Variants in NR3C2 observed in about 807,000 individuals in gnomAD.
NR3C2 encodes the protein nuclear receptor subfamily 3 group C member 2, also known as mineralocorticoid receptor.
A neutral mutation model predicts 86.4 loss-of-function variants in NR3C2; 15 were observed. That is an observed-to-expected ratio of 0.17 (90% CI 0.12 to 0.27). NR3C2 has a LOEUF of 0.27. Ranked by LOEUF, NR3C2 falls within the 10% of genes least tolerant of loss-of-function variation. NR3C2 has a pLI of 1.00. For synonymous variants in NR3C2, 458 were observed against 450.5 expected (o/e 1.02, Z -0.21); for missense variants, 960 against 1,195.6 (o/e 0.80, Z 2.91).
chr4:148,106,027 G>A (rs1225312941), intron 8 of NR3C2, among the ~76,000 whole-genome samples: 1 of 152,166 alleles, frequency 6.6e-6, no homozygotes, highest in Non-Finnish European at 1.5e-5. Context: ...GTTCTGGCAA[G>A]AGAAAGATAT....
chr4:148,234,292 A>C (rs1024533697), intron 3 of NR3C2, among the ~76,000 whole-genome samples: 1 of 152,136 alleles, frequency 6.6e-6, no homozygotes, highest in Non-Finnish European at 1.5e-5. Context: ...TGCCATCAAA[A>C]TTTATCAGTG....
At chr4:148,167,324 A>G (rs919978952) in intron 4 of NR3C2, among the ~76,000 whole-genome samples, 2 of 152,222 alleles carry the variant, frequency 1.3e-5, no homozygotes, top group Non-Finnish European at 2.9e-5. Context: ...ATGTGGTTCT[A>G]AGTCATGTAC....
chr4:148,210,729 C>A (rs527362461), intron 3 of NR3C2, among the ~76,000 whole-genome samples: 6 of 152,134 alleles, frequency 3.9e-5, no homozygotes, highest in Non-Finnish European at 8.8e-5. Flanking sequence ...AAGTGCAAAG[C>A]AATCATAATA....
At chr4:148,219,957 CTG>C (rs927340148) in intron 3 of NR3C2, among the ~76,000 whole-genome samples, 45 of 152,182 alleles carry the variant, frequency 3.0e-4, no homozygotes, top group Non-Finnish European at 5.7e-4. Flanking sequence ...GAGTCTCACT[CTG>C]TCACCCAAAC....
intron 2 of NR3C2, among the ~76,000 whole-genome samples, chr4:148,317,643 T>C (rs966581139): frequency 4.6e-5 from 7 of 152,126 alleles, no homozygotes; most frequent in Non-Finnish European, 1.0e-4. Flanking sequence ...TCAAAGAAGA[T>C]GATGTTCAGT....
At chr4:148,264,835 A>C (rs1024181467) in intron 2 of NR3C2, among the ~76,000 whole-genome samples, 1 of 152,240 alleles carries the variant, frequency 6.6e-6, no homozygotes, top group Non-Finnish European at 1.5e-5. Flanking sequence ...AACATAAAAA[A>C]TGAATAAAAT....
intron 2 of NR3C2, among the ~76,000 whole-genome samples, chr4:148,324,014 G>A (rs1012677258): frequency 6.6e-6 from 1 of 151,984 alleles, no homozygotes; most frequent in African/African-American, 2.4e-5. Flanking sequence ...TGCCCTCTAG[G>A]TGTTTCCACC....
At chr4:148,206,304 A>T (rs1198811741) in intron 3 of NR3C2, among the ~76,000 whole-genome samples, 1 of 152,178 alleles carries the variant, frequency 6.6e-6, no homozygotes, top group Non-Finnish European at 1.5e-5. Flanking sequence ...GCCATCCTAA[A>T]TCATTTCTTT....
chr4:148,144,952 A>G (rs1314631175), intron 6 of NR3C2, among the ~76,000 whole-genome samples: 1 of 152,214 alleles, frequency 6.6e-6, no homozygotes, highest in East Asian at 1.9e-4. Context: ...TATAGTAGGT[A>G]GTCAGGCAGA....
chr4:148,431,870 G>C (rs1291947873), intron 2 of NR3C2, among the ~76,000 whole-genome samples: 1 of 152,152 alleles, frequency 6.6e-6, no homozygotes, highest in Non-Finnish European at 1.5e-5. Context: ...GCAGTTCTCA[G>C]CTTCTGGATC....
chr4:148,152,332 T>C, intron 6 of NR3C2, 137 bp downstream of exon 6: 1 of 883,460 alleles, frequency 1.1e-6, no homozygotes, highest in Admixed American at 2.3e-5. Context: ...CCCAGAGATC[T>C]GTAAATTTTT....
At chr4:148,265,109 T>C (rs1013998061) in intron 2 of NR3C2, among the ~76,000 whole-genome samples, 2 of 152,182 alleles carry the variant, frequency 1.3e-5, no homozygotes, top group Admixed American at 6.5e-5. Context: ...TTTATACAAA[T>C]GTTAAAATAT....
At chr4:148,159,751 A>C (rs1734569800) in intron 4 of NR3C2, among the ~76,000 whole-genome samples, 5 of 152,218 alleles carry the variant, frequency 3.3e-5, no homozygotes, top group Admixed American at 3.3e-4. Flanking sequence ...TTCAAATCCA[A>C]GTGTGTAATT....
intron 2 of NR3C2, among the ~76,000 whole-genome samples, chr4:148,421,515 A>C (rs1749279451): frequency 6.6e-6 from 1 of 152,238 alleles, no homozygotes; most frequent in Admixed American, 6.5e-5. Context: ...CATTCTAAGA[A>C]TAAGTATGAT....
intron 2 of NR3C2, among the ~76,000 whole-genome samples, chr4:148,363,897 T>C (rs1302971035): frequency 6.6e-6 from 1 of 152,214 alleles, no homozygotes; most frequent in East Asian, 1.9e-4. Flanking sequence ...CTCGTGTCAA[T>C]GGAAAATGGT....
chr4:148,154,471 G>A (rs1734254438), intron 5 of NR3C2, 80 bp downstream of exon 5: 1 of 1,278,414 alleles, frequency 7.8e-7, no homozygotes, highest in Non-Finnish European at 1.1e-6. Flanking sequence ...AACTCCTCCT[G>A]CATGGTTGGA....
At chr4:148,313,554 G>A (rs1343115934) in intron 2 of NR3C2, among the ~76,000 whole-genome samples, 4 of 151,998 alleles carry the variant, frequency 2.6e-5, no homozygotes, top group Admixed American at 6.6e-5. Context: ...AGATATTATC[G>A]GTCGTGCTTT....
Position 148,299,731 on chromosome 4 carries a change from T to C in NR3C2, c.1758-39614A>G, listed in dbSNP as rs547611153. Among the ~76,000 whole-genome samples the C allele has an allele frequency of 6.9e-4, 105 of 152,370 alleles. 2 individuals carry two copies. In the South Asian group the frequency reaches 0.02, roughly 29 times the overall value. ...GAATAAGAGGTTCTTCCCCATGGCA[T>C]CTTTCCAAACCTGCAGTTCCGGCTG... On this transcript the variant is annotated intron_variant, in intron 2 of 8. Transcript: ENST00000358102.
chr4:148,269,300 G>A (rs1305751070), intron 2 of NR3C2, among the ~76,000 whole-genome samples: 1 of 152,182 alleles, frequency 6.6e-6, no homozygotes, highest in African/African-American at 2.4e-5. Context: ...CCAACAAGAG[G>A]ACAAGACTGA....
Sources: gnomAD v4.1 joint callset for allele counts (sites outside exome capture counted in the v4.1 genomes callset) on GRCh38, gnomAD v4.1.1 for gene constraint, MANE v1.5 for transcripts, NCBI Gene and HGNC (gene_info 2026-07-23, HGNC 2026-07-21) for gene names.